Variants in MAP2K6 observed in about 807,000 individuals in gnomAD.
MAP2K6 encodes dual specificity mitogen-activated protein kinase kinase 6.
Under a neutral mutation model 53.7 loss-of-function variants are expected in MAP2K6, and 16 were observed. The ratio of observed to expected loss-of-function variants is 0.30; its 90% CI spans 0.20 to 0.45. The LOEUF (loss-of-function observed/expected upper bound fraction) is 0.45. Ranked by LOEUF, MAP2K6 falls within the 20% of genes least tolerant of loss-of-function variation. The pLI, the probability that MAP2K6 is intolerant of heterozygous loss-of-function variation, is 1.00. For missense variants in MAP2K6, 204 were observed against 411.9 expected, an observed-to-expected ratio of 0.50 and a Z score of 4.37; for synonymous variants, 132 against 143.1, an observed-to-expected ratio of 0.92 and a Z score of 0.55.
chr17:69,486,870 C>T (rs916531547), intron 1 of MAP2K6, among the ~76,000 whole-genome samples: 32 of 152,150 alleles, frequency 2.1e-4, no homozygotes, highest in African/African-American at 7.0e-4. Flanking sequence ...TCTCAAACAC[C>T]AGAGCACCGT....
At chr17:69,481,191 G>C (rs1295388217) in intron 1 of MAP2K6, among the ~76,000 whole-genome samples, 1 of 151,798 alleles carries the variant, frequency 6.6e-6, no homozygotes, top group Non-Finnish European at 1.5e-5. Context: ...TTTACTTTCT[G>C]TCTGTATGAA....
intron 1 of MAP2K6, among the ~76,000 whole-genome samples, chr17:69,422,123 A>AT (rs1906105103): frequency 1.5e-5 from 2 of 130,592 alleles, no homozygotes; most frequent in Middle Eastern, 3.9e-3. Context: ...AAATCATCGT[A>AT]ATTTTTTTTT....
intron 11 of MAP2K6, among the ~76,000 whole-genome samples, chr17:69,537,930 C>T (rs1251899724): frequency 5.3e-5 from 8 of 152,234 alleles, no homozygotes; most frequent in East Asian, 1.9e-4. Flanking sequence ...CTTATGCACC[C>T]GCTAGGCCAT....
At chr17:69,463,525 C>T (rs936120265) in intron 1 of MAP2K6, among the ~76,000 whole-genome samples, 1 of 149,868 alleles carries the variant, frequency 6.7e-6, no homozygotes, top group East Asian at 2.0e-4. Flanking sequence ...TATATACACA[C>T]GCAATCTTGG....
At chr17:69,438,475 C>G (rs915082631) in intron 1 of MAP2K6, among the ~76,000 whole-genome samples, 1 of 152,184 alleles carries the variant, frequency 6.6e-6, no homozygotes, top group African/African-American at 2.4e-5. Flanking sequence ...GAGATTCAAA[C>G]TCATATCTGA....
chr17:69,446,976 CTTTTTTT>C (rs71357721), intron 1 of MAP2K6, among the ~76,000 whole-genome samples: 1 of 129,522 alleles, frequency 7.7e-6, no homozygotes, highest in Non-Finnish European at 1.6e-5. Context: ...ACCTCTGTTT[CTTTTTTT>C]TTTTTTTTTT....
At chr17:69,492,213 T>C (rs1449197734) in intron 1 of MAP2K6, among the ~76,000 whole-genome samples, 1 of 152,234 alleles carries the variant, frequency 6.6e-6, no homozygotes, top group Admixed American at 6.5e-5. Context: ...ATCTTCATTA[T>C]GAAATCTTTG....
At chr17:69,424,393 C>G (rs969555596) in intron 1 of MAP2K6, among the ~76,000 whole-genome samples, 5 of 152,200 alleles carry the variant, frequency 3.3e-5, no homozygotes, top group Admixed American at 3.3e-4. Flanking sequence ...TGCTGTGATT[C>G]TTTCTGTGCT....
intron 1 of MAP2K6, among the ~76,000 whole-genome samples, chr17:69,455,109 T>A (rs1045175639): frequency 6.6e-6 from 1 of 152,104 alleles, no homozygotes; most frequent in African/African-American, 2.4e-5. Context: ...GAGCAAACTA[T>A]TTTTAATGCC....
intron 1 of MAP2K6, among the ~76,000 whole-genome samples, chr17:69,455,859 T>G (rs1323103072): frequency 2.7e-5 from 4 of 145,536 alleles, no homozygotes; most frequent in Admixed American, 6.8e-5. Flanking sequence ...CAGTTTTTTT[T>G]TTTTTTTTTT....
At chr17:69,429,183 A>G (rs1906373264) in intron 1 of MAP2K6, among the ~76,000 whole-genome samples, 1 of 151,362 alleles carries the variant, frequency 6.6e-6, no homozygotes, top group Non-Finnish European at 1.5e-5. Flanking sequence ...ATGCCTGTAA[A>G]CCCCAGTCAG....
Position 69,450,141 on chromosome 17 carries a change from C to T in MAP2K6, c.16+35141C>T, listed in dbSNP as rs199710008. On this transcript the variant is annotated intron_variant, in intron 1 of 11. Transcript: ENST00000590474. Reference sequence around the variant, plus strand: ...TTTTTTTTAATAATTTTAGTACAGACGGTGTTTCACCATGTTGGCCAGGCT... The same window carrying T: ...TTTTTTTTAATAATTTTAGTACAGATGGTGTTTCACCATGTTGGCCAGGCT... Among the ~76,000 whole-genome samples, 15 of 144,986 alleles carry T rather than the reference C, an allele frequency of 1.0e-4. No individual in the cohort carries two copies. The East Asian group carries it at 1.2e-3, about 12-fold the overall frequency.
chr17:69,484,321 G>GT (rs367811284), intron 1 of MAP2K6, among the ~76,000 whole-genome samples: 3 of 151,766 alleles, frequency 2.0e-5, no homozygotes, highest in African/African-American at 7.3e-5. Flanking sequence ...CAATAAATAC[G>GT]TAAAATTATG....
chr17:69,417,501 C>T (rs958066988), intron 1 of MAP2K6, among the ~76,000 whole-genome samples: 3 of 152,094 alleles, frequency 2.0e-5, no homozygotes, highest in East Asian at 1.9e-4. Flanking sequence ...AGTGAGATTC[C>T]GAGAAAGAAT....
chr17:69,513,072 C>T (rs1330112347), intron 2 of MAP2K6, among the ~76,000 whole-genome samples: 1 of 152,200 alleles, frequency 6.6e-6, no homozygotes, highest in Non-Finnish European at 1.5e-5. Context: ...CATCCACCCA[C>T]AGTATAAACT....
intron 1 of MAP2K6, among the ~76,000 whole-genome samples, chr17:69,451,083 G>A (rs983408927): frequency 2.2e-4 from 34 of 152,194 alleles, no homozygotes; most frequent in African/African-American, 7.7e-4. Flanking sequence ...GAACCTCAGC[G>A]CATCCTGGAG....
chr17:69,500,439 C>T, intron 1 of MAP2K6, among the ~76,000 whole-genome samples: 1 of 95,216 alleles, frequency 1.1e-5, no homozygotes, highest in Admixed American at 1.5e-4. Context: ...CAAAGTGAGA[C>T]TCTGTCTCAA....
chr17:69,431,787 A>G (rs939911103), intron 1 of MAP2K6, among the ~76,000 whole-genome samples: 3 of 152,182 alleles, frequency 2.0e-5, no homozygotes, highest in Admixed American at 6.5e-5. Flanking sequence ...CAACATGCAC[A>G]TAGTTTAAAA....
At chr17:69,471,729 TA>T (rs1907988341) in intron 1 of MAP2K6, among the ~76,000 whole-genome samples, 1 of 152,218 alleles carries the variant, frequency 6.6e-6, no homozygotes, top group Non-Finnish European at 1.5e-5. Flanking sequence ...AAAAATTCCA[TA>T]AATAATTCAT....
Sources: allele counts gnomAD v4.1 joint callset (sites outside exome capture counted in the v4.1 genomes callset), GRCh38; gene constraint gnomAD v4.1.1; transcripts MANE v1.5; gene names NCBI Gene and HGNC (gene_info 2026-07-23, HGNC 2026-07-21).